PNPLA3: variants seen among roughly 807,000 people sequenced by gnomAD.
PNPLA3 encodes 1-acylglycerol-3-phosphate O-acyltransferase PNPLA3.
A neutral mutation model predicts 43.1 loss-of-function variants in PNPLA3; 42 were observed. That is an observed-to-expected ratio of 0.97 (90% CI 0.76 to 1.26). PNPLA3 has a LOEUF of 1.26. Among genes scored for constraint, PNPLA3 ranks in the 50% most tolerant of loss-of-function variants. The pLI, the probability that PNPLA3 is intolerant of heterozygous loss-of-function variation, is 0.00. For synonymous variants in PNPLA3, 272 were observed against 253.6 expected (o/e 1.07, Z -0.69); for missense variants, 647 against 621.4 (o/e 1.04, Z -0.44).
chr22:43,947,391 T>G lies in PNPLA3; in HGVS notation c.*1009T>G, dbSNP rs2050070479. Reference sequence around the variant, plus strand: ...AAAAAATTTAAAAAACAAAATAATCTAGTGTGCAGGGCATTCACCTCAGCC... The same window carrying G: ...AAAAAATTTAAAAAACAAAATAATCGAGTGTGCAGGGCATTCACCTCAGCC... On this transcript the variant is annotated 3_prime_UTR_variant, in exon 9 of 9. Transcript: ENST00000216180. 6.5e-6 allele frequency: 1 copy of G among 153,836 alleles called. No individual in the cohort carries two copies. Among genetic ancestry groups the G allele is most frequent in the African/African-American group, 2.4e-5 (1 of 41,164 alleles). The allele number at this position is 153,836 out of a possible 1,614,324, so 9.5% of individuals were successfully genotyped here.
At chr22:43,945,071 G>T (rs113230681) in intron 8 of PNPLA3, among the ~76,000 whole-genome samples, 30 of 152,306 alleles carry the variant, frequency 2.0e-4, no homozygotes, top group African/African-American at 7.0e-4. Context: ...GAGCAGAGAG[G>T]CCCCAGATAA....
At position 43,933,052 on chromosome 22, in the gene PNPLA3, C is replaced by T. The variant is rs1163897786; in HGVS notation, c.661C>T (p.Leu221Phe). 2 of 1,614,118 alleles carry T rather than the reference C, an allele frequency of 1.2e-6. No individual in the cohort carries two copies. Among genetic ancestry groups the T allele is most frequent in the South Asian group, 2.2e-5 (2 of 91,074 alleles). Residue 221 changes from leucine to phenylalanine, a missense_variant, in exon 4 of 9, where the codon CTT (leucine) becomes TTT (phenylalanine). Transcript: ENST00000216180. Reference protein sequence around the residue: ...SLRLCTGNLYLLSRAFVPPDL... With the variant: ...SLRLCTGNLYFLSRAFVPPDL... The stretch of plus-strand genomic sequence containing the variant: ...ACGCCTCTGCACAGGGAACCTCTAC[C>T]TTCTCTCGAGAGCTTTTGTCCCCCC...
chr22:43,924,870 G>C (rs1200316066), intron 1 of PNPLA3, among the ~76,000 whole-genome samples: 2 of 152,004 alleles, frequency 1.3e-5, no homozygotes, highest in South Asian at 2.1e-4. Context: ...GGATGGTCTC[G>C]ATCTCCTGAC....
chr22:43,940,245 C>A, intron 7 of PNPLA3, 120 bp downstream of exon 7: 1 of 1,229,566 alleles, frequency 8.1e-7, no homozygotes, highest in Non-Finnish European at 1.1e-6. Flanking sequence ...GATCACAGCT[C>A]ACAGTCTATG....
intron 1 of PNPLA3, among the ~76,000 whole-genome samples, chr22:43,924,560 G>T (rs1241999961): frequency 6.6e-6 from 1 of 152,208 alleles, no homozygotes; most frequent in Non-Finnish European, 1.5e-5. Context: ...ACAAAGAGTG[G>T]GGCTTTGGCC....
In PNPLA3 at chr22:43,933,988, G is replaced by C. The variant is rs532785111; in HGVS notation, c.697-618G>C. ...TGGGATAGGCTGCAAAGTTTGTTAG[G>C]GTGGAGGCTTATTCCGGGACCAAGG... On this transcript the variant is annotated intron_variant, in intron 4 of 8. Coordinates refer to ENST00000216180, the MANE Select transcript of PNPLA3 (RefSeq NM_025225.3). Among the ~76,000 whole-genome samples, 3 of 152,230 alleles carry C rather than the reference G, an allele frequency of 2.0e-5. No homozygotes were observed. The South Asian group carries it at 6.2e-4, about 32-fold the overall frequency.
At chr22:43,929,957 G>C (rs1191067308) in intron 3 of PNPLA3, among the ~76,000 whole-genome samples, 1 of 152,186 alleles carries the variant, frequency 6.6e-6, no homozygotes, top group Non-Finnish European at 1.5e-5. Flanking sequence ...ACCTAGATTT[G>C]TGCTTTGTTT....
intron 8 of PNPLA3, 100 bp from the exon 9 acceptor site, chr22:43,946,054 G>A: frequency 1.9e-6 from 2 of 1,065,270 alleles, no homozygotes; most frequent in Non-Finnish European, 2.9e-6. Flanking sequence ...GAGTGTGTGT[G>A]GTGCCCTCTA....
At chr22:43,927,657 T>C (rs1308544331) in intron 2 of PNPLA3, among the ~76,000 whole-genome samples, 2 of 124,990 alleles carry the variant, frequency 1.6e-5, no homozygotes, top group East Asian at 5.5e-4. Flanking sequence ...TATCTCTTTT[T>C]TTTGGGTGGG....
intron 3 of PNPLA3, among the ~76,000 whole-genome samples, chr22:43,929,513 A>T (rs2146777415): frequency 6.6e-6 from 1 of 151,102 alleles, no homozygotes; most frequent in Non-Finnish European, 1.5e-5. Context: ...AAAGTATATG[A>T]CACTGAAGAA....
At chr22:43,945,697 G>A (rs1417359394) in intron 8 of PNPLA3, among the ~76,000 whole-genome samples, 3 of 152,148 alleles carry the variant, frequency 2.0e-5, no homozygotes, top group Non-Finnish European at 4.4e-5. Flanking sequence ...AGGCAGCAAG[G>A]GGGGCTGCCA....
At chr22:43,944,569 C>T (rs2050051012) in intron 7 of PNPLA3, 122 bp from the exon 8 acceptor site, 2 of 760,226 alleles carry the variant, frequency 2.6e-6, no homozygotes, top group Non-Finnish European at 4.5e-6. Flanking sequence ...CATCCCAGAT[C>T]CACCTTCTGG....
At chr22:43,926,882 T>C in intron 1 of PNPLA3, 53 bp from the exon 2 acceptor site, 1 of 1,509,036 alleles carries the variant, frequency 6.6e-7, no homozygotes, top group Non-Finnish European at 9.2e-7. Flanking sequence ...TTGCCAAAAG[T>C]ATTACCATCC....
At chr22:43,932,746 C>T in intron 3 of PNPLA3, 132 bp from the exon 4 acceptor site, 1 of 754,856 alleles carries the variant, frequency 1.3e-6, no homozygotes, top group Middle Eastern at 3.2e-4. Flanking sequence ...GATTCCAAAG[C>T]CAATGTCCTC....
At chr22:43,944,169 C>G (rs2050048587) in intron 7 of PNPLA3, among the ~76,000 whole-genome samples, 1 of 152,158 alleles carries the variant, frequency 6.6e-6, no homozygotes, top group Admixed American at 6.5e-5. Context: ...TTCTCCACTC[C>G]CCAGGATCAG....
intron 4 of PNPLA3, among the ~76,000 whole-genome samples, chr22:43,934,367 G>A (rs889960737): frequency 2.4e-4 from 37 of 151,364 alleles, no homozygotes; most frequent in Non-Finnish European, 4.7e-4. Context: ...AGAGGCTCTG[G>A]CCTGCTGGGG....
Position 43,930,458 on chromosome 22 carries a change from C to T in PNPLA3, c.486+1569C>T, listed in dbSNP as rs1244127426. Among the ~76,000 whole-genome samples the T allele has an allele frequency of 4.6e-5, 7 of 152,254 alleles. No homozygotes were observed. The East Asian group carries it at 1.4e-3, about 29-fold the overall frequency. Reference sequence around the variant, plus strand: ...ACAGCATGGTTGGGCATCAGCAGGACCCCAACCCCTTGTTATGCTGGTGGC... The same window carrying T: ...ACAGCATGGTTGGGCATCAGCAGGATCCCAACCCCTTGTTATGCTGGTGGC... On this transcript the variant is annotated intron_variant, in intron 3 of 8. Coordinates refer to ENST00000216180, the MANE Select transcript of PNPLA3 (RefSeq NM_025225.3).
intron 1 of PNPLA3, among the ~76,000 whole-genome samples, chr22:43,924,540 C>T (rs1401890841): frequency 2.0e-5 from 3 of 152,220 alleles, no homozygotes; most frequent in Non-Finnish European, 4.4e-5. Flanking sequence ...GCCGATTTGC[C>T]CTGGGCCGGA....
At chr22:43,945,419 C>T (rs1159957462) in intron 8 of PNPLA3, among the ~76,000 whole-genome samples, 2 of 152,098 alleles carry the variant, frequency 1.3e-5, no homozygotes, top group African/African-American at 4.8e-5. Flanking sequence ...CAGGGTTGGG[C>T]GTTATCCTGA....
Sources: gnomAD v4.1 joint callset for allele counts (sites outside exome capture counted in the v4.1 genomes callset) on GRCh38, gnomAD v4.1.1 for gene constraint, MANE v1.5 for transcripts, NCBI Gene and HGNC (gene_info 2026-07-23, HGNC 2026-07-21) for gene names.